Variants in MORF4L1 observed in about 807,000 individuals in gnomAD.
MORF4L1 encodes the protein mortality factor 4-like protein 1.
In MORF4L1, 4 loss-of-function variants were observed where a neutral mutation model predicts 52.9. The ratio of observed to expected loss-of-function variants is 0.08; its 90% CI spans 0.04 to 0.17. MORF4L1 has a LOEUF of 0.17. Among genes scored for constraint, MORF4L1 ranks in the 10% least tolerant of loss-of-function variants. The pLI is 1.00. For synonymous variants in MORF4L1, 123 were observed against 134.8 expected, an observed-to-expected ratio of 0.91 and a Z score of 0.61; for missense variants, 214 against 390.4, an observed-to-expected ratio of 0.55 and a Z score of 3.81.
chr15:78,894,884 T>C lies in MORF4L1; in HGVS notation c.867T>C (p.Asn289=), dbSNP rs1460155454. Residue 289 remains asparagine (N), a synonymous_variant, in exon 11 of 12, where the codon AAT becomes AAC. Transcript: ENST00000426013. ...LDEKSLALLL[N]YLHDFLKYLA... ...AGAAGAGCCTTGCTTTATTACTCAA[T>C]TATCTTCACGATTTCCTAAAGTAAG... 29 of 1,613,122 alleles carry C rather than the reference T, an allele frequency of 1.8e-5. No individual in the cohort carries two copies. The highest frequency in any genetic ancestry group is 2.5e-5 in the Non-Finnish European group (29 of 1,179,088).
chr15:78,883,896 A>G (rs764946748), intron 3 of MORF4L1, among the ~76,000 whole-genome samples: 12 of 152,204 alleles, frequency 7.9e-5, no homozygotes, highest in Non-Finnish European at 1.2e-4. Flanking sequence ...AATTAGTCAC[A>G]TTACCGTTAG....
intron 1 of MORF4L1, among the ~76,000 whole-genome samples, chr15:78,874,722 C>T (rs2056449355): frequency 6.6e-6 from 1 of 151,192 alleles, no homozygotes; most frequent in Admixed American, 6.6e-5. Context: ...TGAGGCATCG[C>T]TCTCGGCCGT....
chr15:78,879,870 A>AT (rs1304677740), intron 2 of MORF4L1, among the ~76,000 whole-genome samples: 1 of 152,020 alleles, frequency 6.6e-6, no homozygotes, highest in African/African-American at 2.4e-5. Context: ...AAACTGGCTG[A>AT]TTTTTCTCCT....
intron 3 of MORF4L1, 118 bp downstream of exon 3, chr15:78,880,697 A>T (rs1033378847): frequency 1.5e-5 from 10 of 675,378 alleles, no homozygotes; most frequent in Non-Finnish European, 2.0e-5. Context: ...GTACATATTG[A>T]AGCAAAGGTG....
At chr15:78,888,850 TG>T (rs1193191761) in intron 5 of MORF4L1, among the ~76,000 whole-genome samples, 2 of 152,224 alleles carry the variant, frequency 1.3e-5, no homozygotes, top group African/African-American at 4.8e-5. Flanking sequence ...TGTTACTATT[TG>T]AGGATTGTTC....
intron 4 of MORF4L1, among the ~76,000 whole-genome samples, chr15:78,886,661 AAATT>A (rs1262937939): frequency 6.6e-6 from 1 of 152,228 alleles, no homozygotes; most frequent in East Asian, 1.9e-4. Flanking sequence ...ATTTTTAAAA[AAATT>A]AAAACGATGG....
At chr15:78,886,013 T>G in intron 3 of MORF4L1, 128 bp from the exon 4 acceptor site, 5 of 672,304 alleles carry the variant, frequency 7.4e-6, no homozygotes, top group Non-Finnish European at 1.3e-5. Flanking sequence ...TCATTTTAGT[T>G]GAGAATATAT....
rs1457957758 is a variant in MORF4L1, at chr15:78,897,222, T to TA, written c.*157dup. The TA allele has an allele frequency of 6.1e-5, 34 of 555,660 alleles. 1 individual carries two copies. The East Asian group carries it at 1.1e-3, about 17-fold the overall frequency. The allele number at this position is 555,660 out of a possible 1,614,324, so 34.4% of individuals were successfully genotyped here. The stretch of plus-strand genomic sequence containing the variant: ...TAAACAGAGAAAAAATAAAAGGGGG[T>TA]AATAGCTCCTTTTTTCTTCTTTCTT... On this transcript the variant is annotated 3_prime_UTR_variant, in exon 12 of 12. Coordinates refer to ENST00000426013, the MANE Select transcript of MORF4L1 (RefSeq NM_006791.4).
chr15:78,896,308 CTTTTTTTTTTTTTTTT>C (rs71148578), intron 11 of MORF4L1, among the ~76,000 whole-genome samples: 4 of 81,450 alleles, frequency 4.9e-5, no homozygotes, highest in Non-Finnish European at 6.8e-5. Context: ...CTTTTCTTTT[CTTTTTTTTTTTTTTTT>C]TTTTTTTGAG....
intron 2 of MORF4L1, 106 bp downstream of exon 2, chr15:78,878,365 C>T (rs1255701250): frequency 3.7e-5 from 34 of 915,956 alleles, no homozygotes; most frequent in Non-Finnish European, 5.3e-5. Context: ...AAGAGAGTTG[C>T]CTTTTTTAGG....
intron 6 of MORF4L1, 50 bp downstream of exon 6, chr15:78,891,064 T>C: frequency 6.9e-7 from 1 of 1,454,692 alleles, no homozygotes. Flanking sequence ...TCTATGACAT[T>C]GACGTTTTTA....
Position 78,893,600 on chromosome 15 carries a change from A to G in MORF4L1, c.602A>G (p.Lys201Arg), listed in dbSNP as rs61734867. Residue 201 changes from lysine (K) to arginine (R), a missense_variant, in exon 9 of 12, where the codon AAG becomes AGG. By Grantham distance (26) the Lys-to-Arg change is conservative. Around this residue, in one of 5 missense-constraint regions of MORF4L1, gnomAD observed 68 missense variants for 171.6 expected, o/e 0.40. Transcript: ENST00000426013. Reference protein sequence around the residue: ...DSILEDYANYKKSRGNTDNKE... With the variant: ...DSILEDYANYRKSRGNTDNKE... ...ATTCTTGAGGATTATGCAAATTACA[A>G]GAAATCTCGTGGAAACACAGATAAT... 45 of 1,598,332 alleles carry G rather than the reference A, an allele frequency of 2.8e-5. No individual in the cohort carries two copies. The highest frequency in any genetic ancestry group is 4.3e-6 in the Non-Finnish European group (5 of 1,168,234).
chr15:78,877,248 A>G (rs1469093561), intron 1 of MORF4L1, among the ~76,000 whole-genome samples: 3 of 151,278 alleles, frequency 2.0e-5, no homozygotes, highest in African/African-American at 4.9e-5. Context: ...AGCCTCCCGA[A>G]TAGCTGGGAT....
chr15:78,882,518 G>A (rs1229569540), intron 3 of MORF4L1, among the ~76,000 whole-genome samples: 1 of 152,198 alleles, frequency 6.6e-6, no homozygotes, highest in Non-Finnish European at 1.5e-5. Flanking sequence ...GTGACTCCTA[G>A]TGTATCTCAT....
At chr15:78,887,408 AT>A (rs1030662909) in intron 5 of MORF4L1, 59 bp downstream of exon 5, 2 of 1,455,132 alleles carry the variant, frequency 1.4e-6, no homozygotes, top group African/African-American at 2.8e-5. Flanking sequence ...TTTTATGTTC[AT>A]TGTGTGTTAG....
At chr15:78,879,755 T>G (rs1237646990) in intron 2 of MORF4L1, among the ~76,000 whole-genome samples, 1 of 147,766 alleles carries the variant, frequency 6.8e-6, no homozygotes, top group Admixed American at 6.8e-5. Flanking sequence ...CTGGGCAAGA[T>G]AGCAAGACTG....
chr15:78,872,931 C>G lies in MORF4L1; in HGVS notation c.-87C>G. On this transcript the variant is annotated 5_prime_UTR_variant, in exon 1 of 12. Coordinates refer to ENST00000426013, the MANE Select transcript of MORF4L1 (RefSeq NM_006791.4). Reference sequence around the variant, plus strand: ...GTAGAGCTGGCAGTGCCTGACGGCGCGTCTGACGCGGAGTTGGGTGGGGTA... The same window carrying G: ...GTAGAGCTGGCAGTGCCTGACGGCGGGTCTGACGCGGAGTTGGGTGGGGTA... 2 of 1,501,522 alleles carry G rather than the reference C, an allele frequency of 1.3e-6. No individual in the cohort carries two copies. Among genetic ancestry groups the G allele is most frequent in the South Asian group, 1.2e-5 (1 of 80,204 alleles). The allele number at this position is 1,501,522 out of a possible 1,614,324, so 93.0% of individuals were successfully genotyped here. A position where few individuals can be genotyped will look rare whatever the true frequency, so the allele number is the denominator to read the frequency against.
chr15:78,894,979 C>T, intron 11 of MORF4L1, 75 bp downstream of exon 11: 2 of 1,193,886 alleles, frequency 1.7e-6, no homozygotes, highest in East Asian at 2.4e-5. Flanking sequence ...AGTATAGATG[C>T]TAAAACATTA....
At chr15:78,887,146 G>A (rs1328951255) in intron 4 of MORF4L1, 123 bp from the exon 5 acceptor site, 1 of 751,074 alleles carries the variant, frequency 1.3e-6, no homozygotes, top group Non-Finnish European at 2.3e-6. Context: ...AAATATCTCT[G>A]TCCAACTTGT....
Sources: allele counts gnomAD v4.1 joint callset (sites outside exome capture counted in the v4.1 genomes callset), GRCh38; gene constraint gnomAD v4.1.1; regional missense constraint gnomAD v4.1.1; transcripts MANE v1.5; gene names NCBI Gene and HGNC (gene_info 2026-07-23, HGNC 2026-07-21).